Variants in FOXP1 observed in about 807,000 individuals in gnomAD.
FOXP1 encodes the protein forkhead box P1.
Under a neutral mutation model 98.2 loss-of-function variants are expected in FOXP1, and 15 were observed. The observed-to-expected ratio is 0.15, with a 90% CI of 0.10 to 0.24. The LOEUF is 0.24. Among genes scored for constraint, FOXP1 ranks in the 10% least tolerant of loss-of-function variants. FOXP1 has a pLI of 1.00. For synonymous variants in FOXP1, 371 were observed against 314.5 expected (o/e 1.18, Z -1.90); for missense variants, 633 against 848.5 (o/e 0.75, Z 3.15).
chr3:71,223,922 G>T (rs546783567), intron 5 of FOXP1, among the ~76,000 whole-genome samples: 4 of 152,242 alleles, frequency 2.6e-5, no homozygotes, highest in African/African-American at 9.6e-5. Context: ...TAGCTCATGG[G>T]CAATGGAAGG....
At chr3:71,295,564 TA>T (rs149516193) in intron 5 of FOXP1, among the ~76,000 whole-genome samples, 36,491 of 149,676 alleles carry the variant, frequency 0.24, 4,679 homozygotes, top group Non-Finnish European at 0.28. Context: ...AACCTGACTT[TA>T]AAAAAAAAAC....
At chr3:71,221,104 A>G (rs1275695888) in intron 5 of FOXP1, among the ~76,000 whole-genome samples, 4 of 152,172 alleles carry the variant, frequency 2.6e-5, no homozygotes, top group Non-Finnish European at 4.4e-5. Flanking sequence ...TCGGTAAAGC[A>G]GGAGGTGAGC....
intron 4 of FOXP1, chr3:71,329,916 A>G (rs1018561722): frequency 2.0e-5 from 3 of 152,354 alleles, no homozygotes; most frequent in African/African-American, 4.8e-5. Context: ...CCTTTCAAAG[A>G]AAATAACATG....
intron 3 of FOXP1, among the ~76,000 whole-genome samples, chr3:71,444,005 C>A (rs2086183876): frequency 6.6e-6 from 1 of 152,194 alleles, no homozygotes; most frequent in African/African-American, 2.4e-5. Context: ...CACCAGCCAG[C>A]CCCAGCCCAA....
chr3:71,290,224 G>A (rs911170130), intron 5 of FOXP1, among the ~76,000 whole-genome samples: 1 of 152,078 alleles, frequency 6.6e-6, no homozygotes, highest in African/African-American at 2.4e-5. Flanking sequence ...CCTTCTATCA[G>A]TTCCTTAGAA....
At chr3:71,166,353 G>A (rs187256547) in intron 6 of FOXP1, among the ~76,000 whole-genome samples, 1 of 152,276 alleles carries the variant, frequency 6.6e-6, no homozygotes, top group East Asian at 1.9e-4. Flanking sequence ...CTGGAAACCT[G>A]TTACGGCCCC....
chr3:71,432,536 C>T (rs899032064), intron 3 of FOXP1, among the ~76,000 whole-genome samples: 5 of 152,174 alleles, frequency 3.3e-5, no homozygotes, highest in Non-Finnish European at 5.9e-5. Flanking sequence ...TCCTATTCCA[C>T]CAGGTCCCCT....
intron 5 of FOXP1, among the ~76,000 whole-genome samples, chr3:71,278,443 T>A (rs1345777449): frequency 2.0e-5 from 3 of 152,136 alleles, no homozygotes; most frequent in Non-Finnish European, 4.4e-5. Context: ...CTTGCCTCCA[T>A]CCTGGTGCTT....
intron 6 of FOXP1, among the ~76,000 whole-genome samples, chr3:71,182,764 C>T (rs775345691): frequency 2.6e-5 from 4 of 151,746 alleles, no homozygotes; most frequent in Non-Finnish European, 4.4e-5. Context: ...AGACTGATCT[C>T]GAACTCCTGA....
At chr3:71,120,883 C>T (rs1291532540) in intron 6 of FOXP1, among the ~76,000 whole-genome samples, 3 of 152,052 alleles carry the variant, frequency 2.0e-5, no homozygotes, top group African/African-American at 4.8e-5. Flanking sequence ...GCTATGATGC[C>T]GATTATGTAT....
chr3:71,205,096 C>T (rs1027995242), intron 5 of FOXP1, among the ~76,000 whole-genome samples: 2 of 152,126 alleles, frequency 1.3e-5, no homozygotes, highest in Admixed American at 1.3e-4. Context: ...TTAATGTATG[C>T]AAAGCTAGTG....
At chr3:71,404,128 T>TTTC (rs1197410599) in intron 3 of FOXP1, among the ~76,000 whole-genome samples, 10 of 127,406 alleles carry the variant, frequency 7.8e-5, no homozygotes, top group Admixed American at 1.5e-4. Flanking sequence ...TTCTTTTTTT[T>TTTC]TTTTTTTTTT....
At chr3:71,266,237 AT>A (rs954954035) in intron 5 of FOXP1, among the ~76,000 whole-genome samples, 2 of 150,728 alleles carry the variant, frequency 1.3e-5, no homozygotes, top group Admixed American at 1.3e-4. Flanking sequence ...ACTTTTGTTT[AT>A]TTTTTTAAAT....
intron 4 of FOXP1, among the ~76,000 whole-genome samples, chr3:71,311,605 T>G (rs1446400352): frequency 5.3e-5 from 8 of 152,236 alleles, no homozygotes; most frequent in African/African-American, 1.9e-4. Flanking sequence ...GATTTTATTA[T>G]GGACACGCTC....
chr3:71,237,231 G>GAAAAAAAAAAAAAAAAAAA (rs757405755), intron 5 of FOXP1, among the ~76,000 whole-genome samples: 1 of 28,286 alleles, frequency 3.5e-5, no homozygotes, highest in Non-Finnish European at 5.8e-5. Context: ...GACTCCATCT[G>GAAAAAAAAAAAAAAAAAAA]AAAAAAAAAA....
chr3:71,522,425 G>A (rs1439392934), intron 2 of FOXP1, among the ~76,000 whole-genome samples: 4 of 152,174 alleles, frequency 2.6e-5, no homozygotes, highest in Non-Finnish European at 4.4e-5. Context: ...CAGAGCCAGA[G>A]AGACAGAAGG....
chr3:70,992,596 G>T (rs2040771886), intron 13 of FOXP1, among the ~76,000 whole-genome samples: 1 of 152,070 alleles, frequency 6.6e-6, no homozygotes. Flanking sequence ...GCATTCAGGT[G>T]GTGGGCAATA....
chr3:71,290,296 T>C (rs1211624076), intron 5 of FOXP1, among the ~76,000 whole-genome samples: 3 of 152,238 alleles, frequency 2.0e-5, no homozygotes, highest in Non-Finnish European at 4.4e-5. Flanking sequence ...CAGTGAATCC[T>C]ATTGATTATA....
At chr3:71,021,461 T>C (rs571651214) in intron 11 of FOXP1, among the ~76,000 whole-genome samples, 1 of 152,354 alleles carries the variant, frequency 6.6e-6, no homozygotes, top group South Asian at 2.1e-4. Flanking sequence ...ATTTGGGCTA[T>C]TTCCACATTT....
Sources: gnomAD v4.1 joint callset for allele counts (sites outside exome capture counted in the v4.1 genomes callset) on GRCh38, gnomAD v4.1.1 for gene constraint, MANE v1.5 for transcripts, NCBI Gene and HGNC (gene_info 2026-07-23, HGNC 2026-07-21) for gene names.